Variants in SANBR observed in about 807,000 individuals in gnomAD.
SANBR encodes the protein SANT and BTB domain regulator of CSR.
A neutral mutation model predicts 101.8 loss-of-function variants in SANBR; 77 were observed. That is an observed-to-expected ratio of 0.76 (90% CI 0.63 to 0.91). SANBR has a LOEUF of 0.91. Ranked by LOEUF, SANBR falls within the 40% of genes least tolerant of loss-of-function variation. The pLI is 0.00. For missense variants in SANBR, 875 were observed against 853.0 expected, an observed-to-expected ratio of 1.03 and a Z score of -0.32; for synonymous variants, 279 against 274.7, an observed-to-expected ratio of 1.02 and a Z score of -0.15.
At chr2:61,096,708 C>G (rs1573628087) in intron 11 of SANBR, among the ~76,000 whole-genome samples, 2 of 152,070 alleles carry the variant, frequency 1.3e-5, no homozygotes, top group African/African-American at 4.8e-5. Flanking sequence ...ACCATCGTAC[C>G]TGGTCCTATT....
At chr2:61,119,553 G>A (rs1200465650) in intron 20 of SANBR, among the ~76,000 whole-genome samples, 1 of 151,828 alleles carries the variant, frequency 6.6e-6, no homozygotes, top group African/African-American at 2.4e-5. Flanking sequence ...AAAATAAATG[G>A]GCAAAAGAGT....
chr2:61,095,776 C>A (rs1299919950), intron 11 of SANBR, among the ~76,000 whole-genome samples: 1 of 152,114 alleles, frequency 6.6e-6, no homozygotes, highest in Non-Finnish European at 1.5e-5. Context: ...TCAGAGTCCC[C>A]CGCAAAAAGA....
chr2:61,130,531 A>C (rs1460002894), intron 20 of SANBR, among the ~76,000 whole-genome samples: 2 of 152,194 alleles, frequency 1.3e-5, no homozygotes, highest in Non-Finnish European at 2.9e-5. Context: ...ACGCTAGCAC[A>C]ATCCAGCAAC....
chr2:61,095,058 A>G lies in SANBR; in HGVS notation c.1212+2471A>G, dbSNP rs543455815. On this transcript the variant is annotated intron_variant, in intron 11 of 21. Transcript: ENST00000402291. Reference sequence around the variant, plus strand: ...GAACCATTTTGCATTTCTACCAGCTACATATGAGAGTTCTAGTTGCCCCCC... The same window carrying G: ...GAACCATTTTGCATTTCTACCAGCTGCATATGAGAGTTCTAGTTGCCCCCC... Among the ~76,000 whole-genome samples the G allele has an allele frequency of 5.3e-5, 8 of 152,302 alleles. No individual in the cohort carries two copies. In the East Asian group the frequency reaches 1.5e-3, roughly 29 times the overall value.
chr2:61,079,123 A>G (rs1393180608), intron 6 of SANBR, among the ~76,000 whole-genome samples: 1 of 152,152 alleles, frequency 6.6e-6, no homozygotes. Context: ...AAATGAATTC[A>G]TATTTTTTGA....
At position 61,123,147 on chromosome 2, in the gene SANBR, A is replaced by G; in HGVS notation, c.*985A>G. ...TTCTAGCCAGGCAGAAAGAGTGCTC[A>G]GGGAAAATTTGTTCCAAACTATAAC... is the stretch of plus-strand genomic sequence containing the variant. On this transcript the variant is annotated 3_prime_UTR_variant, in exon 22 of 22. Coordinates refer to ENST00000402291, the MANE Select transcript of SANBR (RefSeq NM_001129993.3). 1.4e-5 allele frequency: 14 copies of G among 980,800 alleles called. No individual in the cohort carries two copies. The highest frequency in any genetic ancestry group is 1.7e-5 in the Non-Finnish European group (14 of 825,546). 60.8% of individuals were successfully genotyped at this position (980,800 alleles called of 1,614,324 possible). A position where few individuals can be genotyped will look rare whatever the true frequency, so the allele number is the denominator to read the frequency against.
At chr2:61,113,903 A>C (rs1009825388) in intron 16 of SANBR, among the ~76,000 whole-genome samples, 2 of 152,138 alleles carry the variant, frequency 1.3e-5, no homozygotes, top group African/African-American at 4.8e-5. Context: ...TTCTCAGTTG[A>C]GAAAGTTCCT....
chr2:61,120,454 C>T (rs1177291), intron 20 of SANBR, among the ~76,000 whole-genome samples: 5,681 of 152,254 alleles, frequency 0.037, 155 homozygotes, highest in Middle Eastern at 0.068. Flanking sequence ...GAGCCAAGAT[C>T]GTGCCACTGC....
intron 12 of SANBR, among the ~76,000 whole-genome samples, chr2:61,100,705 A>C (rs1165935283): frequency 6.6e-6 from 1 of 152,194 alleles, no homozygotes; most frequent in Non-Finnish European, 1.5e-5. Flanking sequence ...ATAAGGGGGA[A>C]GACAGAAGGT....
At chr2:61,076,884 C>G (rs774716221) in intron 5 of SANBR, 36 bp from the exon 6 acceptor site, 36 of 1,467,058 alleles carry the variant, frequency 2.5e-5, no homozygotes, top group Non-Finnish European at 3.4e-5. Context: ...TTCTAAAACT[C>G]TAATAATTTC....
intron 3 of SANBR, 142 bp downstream of exon 3, chr2:61,070,642 T>C: frequency 2.1e-6 from 1 of 483,808 alleles, no homozygotes; most frequent in Non-Finnish European, 3.5e-6. Context: ...TCTATATAAT[T>C]TGACTAGATG....
rs976322794 is a variant in SANBR, at chr2:61,122,881, G to A, written c.*719G>A. ...TGAAACTAGTGGCATTCTGAATTTG[G>A]TAAAATAACCATTGATAGTTTTAGG... On this transcript the variant is annotated 3_prime_UTR_variant, in exon 22 of 22. Transcript: ENST00000402291. The A allele has an allele frequency of 7.1e-6, 7 of 984,882 alleles. No homozygotes were observed. Among genetic ancestry groups the A allele is most frequent in the Non-Finnish European group, 7.2e-6 (6 of 829,586 alleles). 61.0% of individuals were successfully genotyped at this position (984,882 alleles called of 1,614,324 possible).
In SANBR at chr2:61,124,108, AAAAG is replaced by A; in HGVS notation, c.*1949_*1952del. ...AGACTCCATCTCAATTTAAAACAAA[AAAAG>A]AATGTGTTTTTAATTTTGTTAATGT... On this transcript the variant is annotated 3_prime_UTR_variant, in exon 22 of 22. Coordinates refer to ENST00000402291, the MANE Select transcript of SANBR (RefSeq NM_001129993.3). The A allele has an allele frequency of 1.0e-6, 1 of 963,134 alleles. No individual in the cohort carries two copies. The highest frequency in any genetic ancestry group is 5.3e-4 in the Middle Eastern group (1 of 1,872). The allele number at this position is 963,134 out of a possible 1,614,324, so 59.7% of individuals were successfully genotyped here. A position where few individuals can be genotyped will look rare whatever the true frequency, so the allele number is the denominator to read the frequency against.
chr2:61,100,104 G>A (rs1683213479), intron 12 of SANBR, among the ~76,000 whole-genome samples: 1 of 151,968 alleles, frequency 6.6e-6, no homozygotes, highest in Admixed American at 6.6e-5. Flanking sequence ...AGTGTTTTGG[G>A]GGTTTTTCGT....
chr2:61,113,985 A>G (rs1017925039), intron 16 of SANBR, among the ~76,000 whole-genome samples: 1 of 152,140 alleles, frequency 6.6e-6, no homozygotes, highest in African/African-American at 2.4e-5. Flanking sequence ...TTCTCCATCT[A>G]TTGAGAAGAT....
intron 17 of SANBR, 51 bp from the exon 18 acceptor site, chr2:61,117,306 A>G: frequency 6.6e-7 from 1 of 1,514,458 alleles, no homozygotes; most frequent in Non-Finnish European, 9.2e-7. Context: ...CTATAGCACT[A>G]ATCAGTAAAC....
intron 10 of SANBR, among the ~76,000 whole-genome samples, chr2:61,090,273 G>A (rs1284676169): frequency 1.3e-5 from 2 of 151,904 alleles, no homozygotes; most frequent in African/African-American, 4.8e-5. Flanking sequence ...TCTTTTTGTT[G>A]TTCTTTTTTC....
At chr2:61,079,473 CTT>C (rs1335709923) in intron 6 of SANBR, among the ~76,000 whole-genome samples, 4 of 152,084 alleles carry the variant, frequency 2.6e-5, no homozygotes, top group African/African-American at 9.7e-5. Context: ...TTTTAAAAAA[CTT>C]AATAATTTAT....
Position 61,077,484 on chromosome 2 carries a change from C to T in SANBR, c.670+326C>T, listed in dbSNP as rs565140683. 4.0e-5 allele frequency among the ~76,000 whole-genome samples: 6 copies of T among 151,806 alleles called. No individual in the cohort carries two copies. The East Asian group carries it at 1.2e-3, about 29-fold the overall frequency. On this transcript the variant is annotated intron_variant, in intron 6 of 21. Transcript: ENST00000402291. ...CACTTGACTTTCTCACTGTGTTGCT[C>T]AGATGGTACAAAAGCAATAGTGGGT...
Sources: allele counts gnomAD v4.1 joint callset (sites outside exome capture counted in the v4.1 genomes callset), GRCh38; gene constraint gnomAD v4.1.1; transcripts MANE v1.5; gene names NCBI Gene and HGNC (gene_info 2026-07-23, HGNC 2026-07-21).